CSMD1: variants seen among roughly 807,000 people sequenced by gnomAD.
The protein encoded by CSMD1 is CUB and Sushi multiple domains 1.
CSMD1 carries 213 observed loss-of-function variants against 417.5 expected under a neutral mutation model. That is an observed-to-expected ratio of 0.51 (90% CI 0.46 to 0.57). The LOEUF is 0.57. Among genes scored for constraint, CSMD1 ranks in the 20% least tolerant of loss-of-function variants. The pLI is 0.00. For synonymous variants in CSMD1, 2,862 were observed against 1,736.8 expected, an observed-to-expected ratio of 1.65 and a Z score of -16.11; for missense variants, 6,923 against 4,529.7, an observed-to-expected ratio of 1.53 and a Z score of -15.17.
intron 28 of CSMD1, among the ~76,000 whole-genome samples, chr8:3,220,088 T>C (rs1460623095): frequency 6.9e-6 from 1 of 143,898 alleles, no homozygotes; most frequent in Non-Finnish European, 1.5e-5. Context: ...GAGGCTGCAA[T>C]GAGCTATGAC....
chr8:3,319,990 G>C (rs960959528), intron 23 of CSMD1, among the ~76,000 whole-genome samples: 1 of 152,116 alleles, frequency 6.6e-6, no homozygotes, highest in Non-Finnish European at 1.5e-5. Flanking sequence ...CAGTGGCTTA[G>C]AAACCAAGTG....
At chr8:4,102,864 C>T (rs796371996) in intron 3 of CSMD1, among the ~76,000 whole-genome samples, 2 of 152,168 alleles carry the variant, frequency 1.3e-5, no homozygotes, top group African/African-American at 2.4e-5. Context: ...TCCTGAGAAC[C>T]AGCGCCCTTA....
At chr8:4,232,993 G>A (rs901708069) in intron 3 of CSMD1, among the ~76,000 whole-genome samples, 3 of 152,142 alleles carry the variant, frequency 2.0e-5, no homozygotes, top group Non-Finnish European at 2.9e-5. Context: ...ACAGGAAGAG[G>A]ATAGACGTGG....
chr8:4,533,464 T>C (rs1486303056), intron 2 of CSMD1, among the ~76,000 whole-genome samples: 1 of 152,220 alleles, frequency 6.6e-6, no homozygotes, highest in Non-Finnish European at 1.5e-5. Context: ...GGCAGAGGCC[T>C]AGATCCTCCT....
intron 18 of CSMD1, among the ~76,000 whole-genome samples, chr8:3,373,058 G>A (rs1290024728): frequency 6.6e-6 from 1 of 152,134 alleles, no homozygotes; most frequent in African/African-American, 2.4e-5. Flanking sequence ...AACATTTTAT[G>A]TAAAACTGAG....
At chr8:4,269,550 G>A (rs1804440414) in intron 3 of CSMD1, among the ~76,000 whole-genome samples, 1 of 152,072 alleles carries the variant, frequency 6.6e-6, no homozygotes, top group Admixed American at 6.6e-5. Flanking sequence ...CATTCATCTG[G>A]TAGCTTTTTT....
intron 49 of CSMD1, among the ~76,000 whole-genome samples, chr8:3,077,964 C>A (rs1056372075): frequency 2.6e-5 from 4 of 152,218 alleles, no homozygotes; most frequent in African/African-American, 9.6e-5. Context: ...ACTTTTTCAT[C>A]TCCACTTCCA....
rs138306723 is a variant in CSMD1 at position 4,442,476 on chromosome 8, A to T, written c.303-22411T>A. 3.3e-5 allele frequency among the ~76,000 whole-genome samples: 5 copies of T among 152,286 alleles called. No individual in the cohort carries two copies. The East Asian group carries it at 9.7e-4, about 29-fold the overall frequency. On this transcript the variant is annotated intron_variant, in intron 2 of 69. Coordinates refer to ENST00000635120, the MANE Select transcript of CSMD1 (RefSeq NM_033225.6). Reference sequence around the variant, plus strand: ...TCTACTTACATGCTTATCTACAAGCATATTACATCTGTTATGTATATAAAA... The same window carrying T: ...TCTACTTACATGCTTATCTACAAGCTTATTACATCTGTTATGTATATAAAA...
chr8:4,444,037 T>C (rs758764474), intron 2 of CSMD1, among the ~76,000 whole-genome samples: 1 of 152,044 alleles, frequency 6.6e-6, no homozygotes, highest in African/African-American at 2.4e-5. Flanking sequence ...ACACACTATC[T>C]TTGAGAAGAG....
chr8:4,422,614 A>T (rs1216588131), intron 2 of CSMD1, among the ~76,000 whole-genome samples: 1 of 151,960 alleles, frequency 6.6e-6, no homozygotes. Context: ...AGACTTTCAG[A>T]CTCCAGAACT....
At chr8:4,121,329 G>C (rs541126588) in intron 3 of CSMD1, among the ~76,000 whole-genome samples, 2 of 152,132 alleles carry the variant, frequency 1.3e-5, no homozygotes, top group East Asian at 3.9e-4. Context: ...TGGCCAGGCT[G>C]GTCTCAAACT....
intron 2 of CSMD1, among the ~76,000 whole-genome samples, chr8:4,459,419 C>T (rs1057115539): frequency 6.6e-6 from 1 of 152,146 alleles, no homozygotes; most frequent in Admixed American, 6.5e-5. Context: ...TGTCTCTGCC[C>T]CACGTCTGAA....
intron 3 of CSMD1, among the ~76,000 whole-genome samples, chr8:4,223,434 C>G (rs1263337398): frequency 6.6e-6 from 1 of 152,214 alleles, no homozygotes; most frequent in Non-Finnish European, 1.5e-5. Context: ...GGATACGTGA[C>G]GAATAGGCTG....
chr8:4,839,653 A>T (rs1255609638), intron 1 of CSMD1, among the ~76,000 whole-genome samples: 1 of 152,194 alleles, frequency 6.6e-6, no homozygotes, highest in Admixed American at 6.5e-5. Flanking sequence ...ATGGTTGGGC[A>T]TGAAACTAAG....
intron 5 of CSMD1, among the ~76,000 whole-genome samples, chr8:3,954,479 G>A (rs1342731729): frequency 1.3e-5 from 2 of 152,150 alleles, no homozygotes; most frequent in Admixed American, 6.5e-5. Context: ...CGATTCTGCT[G>A]CCTCAGCTTC....
chr8:4,166,322 G>A (rs1037531112), intron 3 of CSMD1, among the ~76,000 whole-genome samples: 1 of 151,892 alleles, frequency 6.6e-6, no homozygotes, highest in Non-Finnish European at 1.5e-5. Context: ...TTTTGTAACA[G>A]GTCTATAAAA....
chr8:3,819,322 G>C (rs1563111963), intron 5 of CSMD1, among the ~76,000 whole-genome samples: 1 of 152,172 alleles, frequency 6.6e-6, no homozygotes. Flanking sequence ...AGAGATGAGA[G>C]AGTGACAGGT....
At chr8:3,381,143 G>T (rs1041162746) in intron 18 of CSMD1, among the ~76,000 whole-genome samples, 7 of 151,868 alleles carry the variant, frequency 4.6e-5, no homozygotes, top group Non-Finnish European at 8.8e-5. Context: ...AACAGGGTGC[G>T]TTCACCCATC....
intron 3 of CSMD1, among the ~76,000 whole-genome samples, chr8:4,228,122 G>C (rs1056969040): frequency 9.9e-5 from 15 of 152,188 alleles, no homozygotes; most frequent in Admixed American, 5.2e-4. Flanking sequence ...CCCGTAACAG[G>C]AGACATACCC....
Sources: gnomAD v4.1 joint callset for allele counts (sites outside exome capture counted in the v4.1 genomes callset) on GRCh38, gnomAD v4.1.1 for gene constraint, MANE v1.5 for transcripts, NCBI Gene and HGNC (gene_info 2026-07-23, HGNC 2026-07-21) for gene names.